The following CHST9 variants were observed in gnomAD, a reference collection of about 807,000 sequenced individuals.
CHST9 encodes the protein carbohydrate sulfotransferase 9.
CHST9 carries 41 observed loss-of-function variants against 44.4 expected under a neutral mutation model. The observed-to-expected ratio is 0.92, with a 90% CI of 0.72 to 1.20. The LOEUF (loss-of-function observed/expected upper bound fraction) is 1.20. CHST9 is among the 50% of genes most tolerant of loss of function. CHST9 has a pLI of 0.00. For synonymous variants in CHST9, 171 were observed against 178.4 expected, an observed-to-expected ratio of 0.96 and a Z score of 0.33; for missense variants, 504 against 516.5, an observed-to-expected ratio of 0.98 and a Z score of 0.23.
intron 2 of CHST9, among the ~76,000 whole-genome samples, chr18:27,052,266 G>A (rs937350758): frequency 3.8e-5 from 5 of 131,560 alleles, no homozygotes; most frequent in Non-Finnish European, 5.4e-5. Context: ...ATATATATAT[G>A]TGTATATATA....
At chr18:26,952,451 C>T (rs1598589040) in intron 4 of CHST9, 2 of 432,736 alleles carry the variant, frequency 4.6e-6, no homozygotes, top group East Asian at 1.1e-4. Flanking sequence ...AATCTTATTT[C>T]CTGCAATGAA....
intron 1 of CHST9, among the ~76,000 whole-genome samples, chr18:27,161,679 C>G (rs1330116963): frequency 6.6e-6 from 1 of 152,058 alleles, no homozygotes; most frequent in Non-Finnish European, 1.5e-5. Context: ...CTTTCTGTCT[C>G]GTTGATCTGT....
At chr18:27,164,950 C>A (rs575096375) in intron 1 of CHST9, among the ~76,000 whole-genome samples, 1 of 152,232 alleles carries the variant, frequency 6.6e-6, no homozygotes, top group South Asian at 2.1e-4. Context: ...AAAATATCTA[C>A]CTCTCGGAAA....
intron 4 of CHST9, among the ~76,000 whole-genome samples, chr18:26,988,935 T>C (rs1055147986): frequency 6.6e-6 from 1 of 152,066 alleles, no homozygotes; most frequent in South Asian, 2.1e-4. Flanking sequence ...ATGAAATGAA[T>C]TTTGAAATGA....
chr18:27,002,841 AAC>A (rs2056969617), intron 4 of CHST9, among the ~76,000 whole-genome samples: 1 of 152,228 alleles, frequency 6.6e-6, no homozygotes, highest in Non-Finnish European at 1.5e-5. Context: ...TGTGTGAATA[AAC>A]ACATAAATTG....
At chr18:27,094,092 A>G (rs1239001281) in intron 2 of CHST9, among the ~76,000 whole-genome samples, 1 of 152,196 alleles carries the variant, frequency 6.6e-6, no homozygotes, top group Non-Finnish European at 1.5e-5. Flanking sequence ...GATGGAAACT[A>G]ATTTTTTCCT....
chr18:27,024,636 G>A (rs2057263989), intron 3 of CHST9, among the ~76,000 whole-genome samples: 1 of 152,222 alleles, frequency 6.6e-6, no homozygotes. Flanking sequence ...GCCATGTACA[G>A]CTCCTGGCAT....
chr18:27,175,284 A>G (rs1219350966), intron 1 of CHST9, among the ~76,000 whole-genome samples: 1 of 151,954 alleles, frequency 6.6e-6, no homozygotes, highest in Admixed American at 6.6e-5. Context: ...GTTTTCTTCA[A>G]TATGGTAAAA....
At chr18:27,177,225 T>G (rs1270914939) in intron 1 of CHST9, among the ~76,000 whole-genome samples, 2 of 151,936 alleles carry the variant, frequency 1.3e-5, no homozygotes, top group Non-Finnish European at 2.9e-5. Flanking sequence ...ATCGATCTTT[T>G]GGGGAAAAAA....
At chr18:27,026,137 T>C (rs2057282711) in intron 3 of CHST9, among the ~76,000 whole-genome samples, 1 of 152,116 alleles carries the variant, frequency 6.6e-6, no homozygotes, top group South Asian at 2.1e-4. Flanking sequence ...ATGGCTCAAA[T>C]ATGAAGGTTG....
At chr18:26,981,957 T>C (rs1347662215) in intron 4 of CHST9, among the ~76,000 whole-genome samples, 1 of 152,126 alleles carries the variant, frequency 6.6e-6, no homozygotes, top group Admixed American at 6.6e-5. Flanking sequence ...CAGTCTCCCA[T>C]CCTCCCCTTC....
intron 4 of CHST9, among the ~76,000 whole-genome samples, chr18:27,020,512 T>C (rs1348909297): frequency 6.6e-6 from 1 of 152,198 alleles, no homozygotes; most frequent in African/African-American, 2.4e-5. Flanking sequence ...GCCTGGAATT[T>C]TGTCCAATTG....
intron 2 of CHST9, among the ~76,000 whole-genome samples, chr18:27,052,353 C>A (rs1310037933): frequency 1.3e-5 from 2 of 151,508 alleles, no homozygotes; most frequent in African/African-American, 4.9e-5. Context: ...TTTATACATG[C>A]ACACACATAC....
chr18:27,024,021 T>A, intron 4 of CHST9, 95 bp downstream of exon 4: 1 of 1,243,348 alleles, frequency 8.0e-7, no homozygotes, highest in South Asian at 1.3e-5. Flanking sequence ...GAACAGGTGC[T>A]TAAAAGCCAC....
In CHST9 at chr18:27,089,850, G is replaced by A. The variant is rs137881211; in HGVS notation, c.122-41347C>T. ...TTTTGAGACAGAGTCTTGCTCTGCC[G>A]CTCAGGCTGGAGTGCAGTCACGCGA... On this transcript the variant is annotated intron_variant, in intron 2 of 5. Coordinates refer to ENST00000618847, the MANE Select transcript of CHST9 (RefSeq NM_031422.6). Among the ~76,000 whole-genome samples, 828 of 133,430 alleles carry A rather than the reference G, an allele frequency of 6.2e-3. 11 individuals are homozygous for A. Among genetic ancestry groups the A allele is most frequent in the African/African-American group, 0.023 (784 of 34,642 alleles). The allele number at this position is 133,430 out of a possible 152,430, so 87.5% of individuals were successfully genotyped here.
intron 4 of CHST9, among the ~76,000 whole-genome samples, chr18:27,006,166 C>A (rs1478892775): frequency 6.6e-6 from 1 of 152,166 alleles, no homozygotes; most frequent in African/African-American, 2.4e-5. Context: ...AATTTTCTCT[C>A]TGATGTAATC....
At chr18:27,143,603 A>G (rs570024376) in intron 1 of CHST9, among the ~76,000 whole-genome samples, 1 of 76,284 alleles carries the variant, frequency 1.3e-5, no homozygotes, top group African/African-American at 3.4e-5. Context: ...TATTTTTTTT[A>G]AAAAAATTGC....
chr18:27,144,031 T>C (rs2058591203), intron 1 of CHST9, among the ~76,000 whole-genome samples: 1 of 152,032 alleles, frequency 6.6e-6, no homozygotes, highest in East Asian at 1.9e-4. Flanking sequence ...GCCACACAAG[T>C]ATGCAGTAAG....
intron 2 of CHST9, among the ~76,000 whole-genome samples, chr18:27,061,024 C>T (rs985473049): frequency 1.3e-5 from 2 of 152,052 alleles, no homozygotes; most frequent in African/African-American, 4.8e-5. Context: ...TCTTTCAGTG[C>T]ATGTTGTCAC....
Sources: allele counts gnomAD v4.1 joint callset (sites outside exome capture counted in the v4.1 genomes callset), GRCh38; gene constraint gnomAD v4.1.1; transcripts MANE v1.5; gene names NCBI Gene and HGNC (gene_info 2026-07-23, HGNC 2026-07-21).